The following CEP112 variants were observed in gnomAD, a reference collection of about 807,000 sequenced individuals.
CEP112 encodes centrosomal protein of 112 kDa.
In CEP112, 127 loss-of-function variants were observed where a neutral mutation model predicts 153.0. The ratio of observed to expected loss-of-function variants is 0.83; its 90% CI spans 0.72 to 0.96. The LOEUF (loss-of-function observed/expected upper bound fraction) is 0.96, where lower values mean the gene tolerates loss of function less well. CEP112 is among the 40% of genes least tolerant of loss of function. CEP112 has a pLI of 0.00. For missense variants in CEP112, 1,089 were observed against 1,101.2 expected, an observed-to-expected ratio of 0.99 and a Z score of 0.16; for synonymous variants, 358 against 374.4, an observed-to-expected ratio of 0.96 and a Z score of 0.51.
chr17:65,907,985 C>T (rs1598967645), intron 19 of CEP112, among the ~76,000 whole-genome samples: 1 of 152,030 alleles, frequency 6.6e-6, no homozygotes, highest in South Asian at 2.1e-4. Context: ...CAGACAGAAC[C>T]CACAAAATGA....
chr17:66,054,688 A>C (rs2066602835), intron 11 of CEP112, among the ~76,000 whole-genome samples: 1 of 152,174 alleles, frequency 6.6e-6, no homozygotes, highest in Non-Finnish European at 1.5e-5. Flanking sequence ...CCCTGCATCC[A>C]ACCCCACACC....
intron 20 of CEP112, among the ~76,000 whole-genome samples, chr17:65,863,496 G>A (rs556427195): frequency 2.8e-4 from 42 of 152,050 alleles, no homozygotes; most frequent in African/African-American, 9.4e-4. Context: ...GGCCGGGCGC[G>A]GTGGCTCACG....
chr17:65,665,718 G>GCTA (rs1304015704), intron 24 of CEP112, among the ~76,000 whole-genome samples: 1 of 152,204 alleles, frequency 6.6e-6, no homozygotes, highest in Non-Finnish European at 1.5e-5. Flanking sequence ...TGAAGCCAAT[G>GCTA]CTACTTCTCA....
At position 66,176,668 on chromosome 17, in the gene CEP112, T is replaced by C. The variant is rs2072489238; in HGVS notation, c.297+162A>G. The C allele has an allele frequency of 8.4e-6, 4 of 474,970 alleles. No individual in the cohort carries two copies. The South Asian group carries it at 2.3e-4, about 28-fold the overall frequency. 29.4% of individuals were successfully genotyped at this position (474,970 alleles called of 1,614,324 possible). ...TCCCCTTATAAGCAATACATGTATTTTATTAAAGGTGGAAAAAAATTGAAT... is the reference window on the plus strand; with the variant it reads ...TCCCCTTATAAGCAATACATGTATTCTATTAAAGGTGGAAAAAAATTGAAT... On this transcript the variant is annotated intron_variant, in intron 3 of 26. Coordinates refer to ENST00000535342, the MANE Select transcript of CEP112 (RefSeq NM_001199165.4).
chr17:66,028,192 G>A (rs1404070231), intron 15 of CEP112, 121 bp downstream of exon 15: 4 of 602,924 alleles, frequency 6.6e-6, no homozygotes, highest in Non-Finnish European at 8.8e-6. Flanking sequence ...TGCGATAAAA[G>A]AATCAGAAAA....
chr17:66,096,442 G>GAAAA, intron 7 of CEP112, 114 bp from the exon 8 acceptor site: 1 of 1,164,580 alleles, frequency 8.6e-7, no homozygotes, highest in African/African-American at 1.5e-5. Context: ...AACACTGCAG[G>GAAAA]AAAAAATCAC....
rs2051234849 is a variant in CEP112 at position 65,743,182 on chromosome 17, C to T, written c.2493G>A (p.Leu831=). 3 of 1,612,146 alleles carry T rather than the reference C, an allele frequency of 1.9e-6. No homozygotes were observed. The highest frequency in any genetic ancestry group is 2.5e-6 in the Non-Finnish European group (3 of 1,179,406). ...IAELQTTISS[L]KEENSQQQLA... ...GCTGCTGCTGGCTGTTCTCTTCTTT[C>T]AGAGAGGAAATGGTTGTCTGAAGTT... The change falls in exon 23 of 27, where the codon CTG becomes CTA. Residue 831 remains leucine (L), a synonymous_variant. Transcript: ENST00000535342.
intron 8 of CEP112, among the ~76,000 whole-genome samples, chr17:66,090,634 C>A (rs1238045071): frequency 1.3e-5 from 2 of 151,946 alleles, no homozygotes; most frequent in African/African-American, 2.4e-5. Context: ...CGGAAAGGAA[C>A]AAATGTTCTA....
At chr17:65,850,939 C>G (rs1473794996) in intron 21 of CEP112, among the ~76,000 whole-genome samples, 1 of 152,106 alleles carries the variant, frequency 6.6e-6, no homozygotes, top group African/African-American at 2.4e-5. Context: ...ATCTGACTTT[C>G]AAATTAATTA....
chr17:65,759,080 A>C (rs552105505), intron 21 of CEP112, among the ~76,000 whole-genome samples: 2 of 152,306 alleles, frequency 1.3e-5, no homozygotes, highest in South Asian at 4.1e-4. Context: ...CAAGATGGTG[A>C]TAAGAGTGAC....
At chr17:65,927,712 A>G in intron 18 of CEP112, 23 bp from the exon 19 acceptor site, 2 of 1,423,192 alleles carry the variant, frequency 1.4e-6, no homozygotes, top group South Asian at 2.7e-5. Flanking sequence ...AAAATCAAAT[A>G]TTAATTTTTT....
At chr17:66,157,177 C>A (rs1038870589) in intron 4 of CEP112, among the ~76,000 whole-genome samples, 3 of 152,202 alleles carry the variant, frequency 2.0e-5, no homozygotes, top group Admixed American at 6.5e-5. Context: ...AACATCGGAT[C>A]TCTTGGCAGA....
intron 20 of CEP112, among the ~76,000 whole-genome samples, chr17:65,881,575 G>T (rs748404326): frequency 4.7e-4 from 72 of 152,126 alleles, no homozygotes; most frequent in Non-Finnish European, 7.3e-4. Context: ...ACAATCTTTT[G>T]TCAATTAACT....
At chr17:66,133,162 T>A (rs1252586222) in intron 4 of CEP112, among the ~76,000 whole-genome samples, 1 of 152,168 alleles carries the variant, frequency 6.6e-6, no homozygotes, top group Non-Finnish European at 1.5e-5. Context: ...TATAAGAAGT[T>A]ACATAAATGC....
chr17:65,837,171 C>A (rs561428315), intron 21 of CEP112, among the ~76,000 whole-genome samples: 1 of 149,120 alleles, frequency 6.7e-6, no homozygotes, highest in African/African-American at 2.5e-5. Context: ...ACATCCCAGC[C>A]GCCTGCCTTG....
At chr17:65,695,454 C>A (rs1005414103) in intron 23 of CEP112, among the ~76,000 whole-genome samples, 1 of 152,104 alleles carries the variant, frequency 6.6e-6, no homozygotes, top group Non-Finnish European at 1.5e-5. Context: ...TCAGCTCAAG[C>A]CACTCCTTAA....
At chr17:65,643,985 C>T (rs781086626) in intron 24 of CEP112, among the ~76,000 whole-genome samples, 2 of 152,170 alleles carry the variant, frequency 1.3e-5, no homozygotes, top group African/African-American at 2.4e-5. Context: ...CCATGCCATA[C>T]AGCAGGAATG....
At chr17:65,755,834 T>A (rs1567967457) in intron 21 of CEP112, among the ~76,000 whole-genome samples, 1 of 152,150 alleles carries the variant, frequency 6.6e-6, no homozygotes, top group Non-Finnish European at 1.5e-5. Flanking sequence ...AACTTGGAGA[T>A]GCCTATTAAA....
chr17:65,853,726 TAA>T (rs5821571), intron 20 of CEP112, among the ~76,000 whole-genome samples: 4 of 142,858 alleles, frequency 2.8e-5, no homozygotes, highest in Admixed American at 7.0e-5. Flanking sequence ...AGACTCCATC[TAA>T]AAAAAAAAAA....
Sources: gnomAD v4.1 joint callset for allele counts (sites outside exome capture counted in the v4.1 genomes callset) on GRCh38, gnomAD v4.1.1 for gene constraint, MANE v1.5 for transcripts, NCBI Gene and HGNC (gene_info 2026-07-23, HGNC 2026-07-21) for gene names.